The following C3orf38 variants were observed in gnomAD, a reference collection of about 807,000 sequenced individuals.
The protein encoded by C3orf38 is chromosome 3 open reading frame 38.
C3orf38 carries 18 observed loss-of-function variants against 28.3 expected under a neutral mutation model. That is an observed-to-expected ratio of 0.64 (90% CI 0.44 to 0.94). The LOEUF (loss-of-function observed/expected upper bound fraction) is 0.94, where lower values mean the gene tolerates loss of function less well. Among genes scored for constraint, C3orf38 ranks in the 40% least tolerant of loss-of-function variants. The probability of loss-of-function intolerance (pLI) is 0.00; values close to 1 mark genes in which losing one functional copy is unlikely to be tolerated. For missense variants in C3orf38, 364 were observed against 396.4 expected (o/e 0.92, Z 0.69); for synonymous variants, 145 against 138.1 (o/e 1.05, Z -0.35).
chr3:88,149,998 C>CA lies in C3orf38; in HGVS notation c.-54dup. 1 of 1,610,454 alleles carries CA rather than the reference C, an allele frequency of 6.2e-7. No homozygotes were observed. The highest frequency in any genetic ancestry group is 8.5e-7 in the Non-Finnish European group (1 of 1,177,692). On this transcript the variant is annotated 5_prime_UTR_variant, in exon 1 of 3. Coordinates refer to ENST00000318887, the MANE Select transcript of C3orf38 (RefSeq NM_173824.4). ...CGGTGTCTGTTGCCAGGCGCGGGCCCAGTGGGCCGTAGGGGCGACATTGTT... is the reference window on the plus strand; with the variant it reads ...CGGTGTCTGTTGCCAGGCGCGGGCCCAAGTGGGCCGTAGGGGCGACATTGTT...
At chr3:88,152,017 G>A (rs148853315) in intron 1 of C3orf38, among the ~76,000 whole-genome samples, 1 of 152,302 alleles carries the variant, frequency 6.6e-6, no homozygotes, top group Non-Finnish European at 1.5e-5. Flanking sequence ...CTCAAAGATA[G>A]TAATTTCTTA....
chr3:88,153,035 G>C (rs1018742169), intron 1 of C3orf38, among the ~76,000 whole-genome samples, 195 bp from the exon 2 acceptor site: 3 of 152,110 alleles, frequency 2.0e-5, no homozygotes, highest in African/African-American at 7.2e-5. Context: ...TTTTAGGTAA[G>C]GGAAGTTTAA....
In C3orf38 at chr3:88,157,175, A is replaced by T. The variant is rs1362206420; in HGVS notation, c.*540A>T. The T allele has an allele frequency of 6.6e-6, 1 of 152,270 alleles. No individual in the cohort carries two copies. Among genetic ancestry groups the T allele is most frequent in the Non-Finnish European group, 1.5e-5 (1 of 68,056 alleles). 9.4% of individuals were successfully genotyped at this position (152,270 alleles called of 1,614,324 possible). On this transcript the variant is annotated 3_prime_UTR_variant, in exon 3 of 3. Transcript: ENST00000318887. ...AAAGTTCTCATTTTAGAAAATTTAA[A>T]TAACATTCTTTTTGCAAAAAAGTCC... is the stretch of plus-strand genomic sequence containing the variant.
In C3orf38 at chr3:88,157,021, C is replaced by T. The variant is rs570897720; in HGVS notation, c.*386C>T. The stretch of plus-strand genomic sequence containing the variant: ...CATGTGGGAAAGGATTAATAATGGT[C>T]CAGGCTTCCCCTCTTTAAGTTTCAT... On this transcript the variant is annotated 3_prime_UTR_variant, in exon 3 of 3. Transcript: ENST00000318887. 14 of 161,994 alleles carry T rather than the reference C, an allele frequency of 8.6e-5. No homozygotes were observed. The South Asian group carries it at 2.6e-3, about 30-fold the overall frequency. 10.0% of individuals were successfully genotyped at this position (161,994 alleles called of 1,614,324 possible).
chr3:88,152,582 GAAA>G (rs1371660624), intron 1 of C3orf38, among the ~76,000 whole-genome samples: 3 of 151,834 alleles, frequency 2.0e-5, no homozygotes, highest in Non-Finnish European at 4.4e-5. Flanking sequence ...CTAACACGGT[GAAA>G]CCCTGTCTGT....
Position 88,156,136 on chromosome 3 carries a change from A to AAG in C3orf38, c.493_494dup (p.Asp165GlufsTer13), listed in dbSNP as rs746388099. ...CAGAATCCTTTTCTAGGACCACCTC[A>AAG]AGATGAATGGGGACCACAGCACTTC... On this transcript the variant is annotated frameshift_variant, in exon 3 of 3. Coordinates refer to ENST00000318887, the MANE Select transcript of C3orf38 (RefSeq NM_173824.4). LOFTEE classifies it high-confidence loss of function. 2 of 1,613,714 alleles carry AAG rather than the reference A, an allele frequency of 1.2e-6. No individual in the cohort carries two copies. Among genetic ancestry groups the AAG allele is most frequent in the Admixed American group, 3.3e-5 (2 of 59,958 alleles).
At chr3:88,154,881 A>G (rs1707459250) in intron 2 of C3orf38, among the ~76,000 whole-genome samples, 1 of 148,434 alleles carries the variant, frequency 6.7e-6, no homozygotes, top group East Asian at 2.0e-4. Context: ...TTTTTTTGAG[A>G]CAAAGTCTGC....
Position 88,153,480 on chromosome 3 carries a change from A to C in C3orf38, c.375+9A>C. ...TCCACCTATTTCAACAGGTAAAATAAATCTTATGGTTGTATTCTGAACCTT... is the reference window on the plus strand; with the variant it reads ...TCCACCTATTTCAACAGGTAAAATACATCTTATGGTTGTATTCTGAACCTT... On this transcript the variant is annotated intron_variant, in intron 2 of 2. Coordinates refer to ENST00000318887, the MANE Select transcript of C3orf38 (RefSeq NM_173824.4). 1 of 1,613,484 alleles carries C rather than the reference A, an allele frequency of 6.2e-7. No individual in the cohort carries two copies. Among genetic ancestry groups the C allele is most frequent in the Non-Finnish European group, 8.5e-7 (1 of 1,179,816 alleles).
chr3:88,153,702 G>T (rs1707446015), intron 2 of C3orf38, among the ~76,000 whole-genome samples: 1 of 151,992 alleles, frequency 6.6e-6, no homozygotes, highest in Non-Finnish European at 1.5e-5. Context: ...CTCCTGAGTA[G>T]CTAGGGCTAC....
chr3:88,156,236 C>T lies in C3orf38; in HGVS notation c.591C>T (p.Ile197=), dbSNP rs1441581508. Residue 197 remains isoleucine, a synonymous_variant, in exon 3 of 3, where the codon ATC becomes ATT. Transcript: ENST00000318887. ...TTATGGACTACCATGGAGCAGAAAT[C>T]GTGAGCCTTCGTTTGCTGTCACTAG... ...QNVMDYHGAE[I]VSLRLLSLVK... is the part of the protein sequence containing the mutation. 1.2e-5 allele frequency: 20 copies of T among 1,613,980 alleles called. No individual in the cohort carries two copies. The highest frequency in any genetic ancestry group is 4.5e-5 in the East Asian group (2 of 44,892).
intron 1 of C3orf38, among the ~76,000 whole-genome samples, chr3:88,151,699 G>C (rs181893701): frequency 3.0e-4 from 45 of 152,198 alleles, no homozygotes; most frequent in African/African-American, 1.1e-3. Context: ...AAGAATAGTT[G>C]GATACCTTGT....
chr3:88,154,868 T>TC (rs1707459046), intron 2 of C3orf38, among the ~76,000 whole-genome samples: 1 of 151,982 alleles, frequency 6.6e-6, no homozygotes, highest in Non-Finnish European at 1.5e-5. Flanking sequence ...AACTTTTTTT[T>TC]TTTTTTTTTG....
rs754367286 is a variant in C3orf38 at position 88,156,522 on chromosome 3, T to C, written c.877T>C (p.Phe293Leu). The change falls in exon 3 of 3, where the codon TTT (phenylalanine) becomes CTT (leucine). Residue 293 changes from phenylalanine to leucine, a missense_variant. Physicochemically the swap from Phe to Leu is conservative, Grantham distance 22. Coordinates refer to ENST00000318887, the MANE Select transcript of C3orf38 (RefSeq NM_173824.4). ...PGTLPKPSVKFEQSDLEAFYN... is the reference protein window; with the variant it reads ...PGTLPKPSVKLEQSDLEAFYN... ...AACATTACCGAAACCATCTGTTAAATTTGAACAAAGTGATCTAGAGGCCTT... is the reference window on the plus strand; with the variant it reads ...AACATTACCGAAACCATCTGTTAAACTTGAACAAAGTGATCTAGAGGCCTT... 13 of 1,614,076 alleles carry C rather than the reference T, an allele frequency of 8.1e-6. No individual in the cohort carries two copies. Among genetic ancestry groups the C allele is most frequent in the Admixed American group, 1.7e-5 (1 of 60,004 alleles).
chr3:88,155,873 C>G (rs1447718798), intron 2 of C3orf38, 148 bp from the exon 3 acceptor site: 1 of 484,806 alleles, frequency 2.1e-6, no homozygotes, highest in African/African-American at 2.0e-5. Flanking sequence ...AAGATTTTTA[C>G]TATGCATAAT....
chr3:88,156,564 G>C lies in C3orf38; in HGVS notation c.919G>C (p.Val307Leu), dbSNP rs777867310. 3.1e-6 allele frequency: 5 copies of C among 1,613,858 alleles called. No individual in the cohort carries two copies. Among genetic ancestry groups the C allele is most frequent in the Non-Finnish European group, 4.2e-6 (5 of 1,179,878 alleles). Residue 307 changes from valine (V) to leucine (L), a missense_variant, in exon 3 of 3, where the codon GTA becomes CTA. By Grantham distance (32) the Val-to-Leu change is conservative (BLOSUM62 1). Coordinates refer to ENST00000318887, the MANE Select transcript of C3orf38 (RefSeq NM_173824.4). The part of the protein sequence containing the change: ...DLEAFYNVIT[V>L]CGTNEVRHNV... ...AGAGGCCTTTTATAATGTAATCACT[G>C]TATGTGGTACCAATGAAGTACGACA...
chr3:88,152,710 G>A (rs1347189379), intron 1 of C3orf38, among the ~76,000 whole-genome samples: 3 of 146,562 alleles, frequency 2.0e-5, no homozygotes, highest in Non-Finnish European at 3.0e-5. Flanking sequence ...ATCCCAGATC[G>A]CACCCCTGTG....
chr3:88,154,229 C>T (rs144756546), intron 2 of C3orf38, among the ~76,000 whole-genome samples: 8 of 152,134 alleles, frequency 5.3e-5, no homozygotes, highest in African/African-American at 1.4e-4. Flanking sequence ...TTCCAGGGTA[C>T]GTGTGCAGGT....
Position 88,156,867 on chromosome 3 carries a change from T to C in C3orf38, c.*232T>C. ...AATACTTACCTATTTCTACCCGAGT[T>C]GCAGCAAGTATTCTGAAAGCTTAAT... On this transcript the variant is annotated 3_prime_UTR_variant, in exon 3 of 3. Coordinates refer to ENST00000318887, the MANE Select transcript of C3orf38 (RefSeq NM_173824.4). The C allele has an allele frequency of 2.2e-6, 1 of 447,026 alleles. No homozygotes were observed. Among genetic ancestry groups the C allele is most frequent in the Non-Finnish European group, 3.9e-6 (1 of 255,516 alleles). 27.7% of individuals were successfully genotyped at this position (447,026 alleles called of 1,614,324 possible).
intron 2 of C3orf38, among the ~76,000 whole-genome samples, chr3:88,155,242 G>GT (rs1553703101): frequency 6.6e-6 from 1 of 151,962 alleles, no homozygotes; most frequent in Non-Finnish European, 1.5e-5. Flanking sequence ...TTCAATCACC[G>GT]TAAGAGTATC....
Sources: gnomAD v4.1 joint callset for allele counts (sites outside exome capture counted in the v4.1 genomes callset) on GRCh38, gnomAD v4.1.1 for gene constraint, MANE v1.5 for transcripts, NCBI Gene and HGNC (gene_info 2026-07-23, HGNC 2026-07-21) for gene names.